GUCY2D: variants seen among roughly 807,000 people sequenced by gnomAD.
GUCY2D encodes the protein guanylate cyclase 2D, retinal.
A neutral mutation model predicts 101.3 loss-of-function variants in GUCY2D; 70 were observed. That is an observed-to-expected ratio of 0.69 (90% CI 0.57 to 0.84). GUCY2D has a LOEUF of 0.84. GUCY2D is among the 40% of genes least tolerant of loss of function. The pLI, the probability that GUCY2D is intolerant of heterozygous loss-of-function variation, is 0.00. For missense variants in GUCY2D, 1,460 were observed against 1,542.5 expected (o/e 0.95, Z 0.90); for synonymous variants, 688 against 670.7 (o/e 1.03, Z -0.40).
In GUCY2D at chr17:8,003,161, C is replaced by T. The variant is rs776974102; in HGVS notation, c.114C>T (p.Leu38=). Residue 38 remains leucine (L), a synonymous_variant, in exon 2 of 20, where the codon CTC becomes CTT. Coordinates refer to ENST00000254854, the MANE Select transcript of GUCY2D (RefSeq NM_000180.4). The part of the protein sequence containing the change: ...RLPRALPRLP[L]LLLLLLLQPP... ...CCCGGGCCCTGCCCCGGCTCCCGCT[C>T]CTGCTGCTCCTGCTTCTGCTGCAGC... 6.6e-7 allele frequency: 1 copy of T among 1,510,176 alleles called. No individual in the cohort carries two copies. Among genetic ancestry groups the T allele is most frequent in the Non-Finnish European group, 8.8e-7 (1 of 1,135,036 alleles). 93.5% of individuals were successfully genotyped at this position (1,510,176 alleles called of 1,614,324 possible).
chr17:8,007,620 G>C (rs1975772121), intron 6 of GUCY2D, 92 bp downstream of exon 6: 1 of 796,728 alleles, frequency 1.3e-6, no homozygotes, highest in African/African-American at 1.7e-5. Context: ...TCCCTACTTG[G>C]GAAGCCTGAT....
At chr17:8,015,144 C>T (rs981652730) in intron 14 of GUCY2D, 93 bp downstream of exon 14, 9 of 1,173,834 alleles carry the variant, frequency 7.7e-6, no homozygotes, top group Non-Finnish European at 1.1e-5. Context: ...AGCCTACCTG[C>T]CCAATCAATC....
At chr17:8,009,130 A>C (rs1975800194) in intron 7 of GUCY2D, among the ~76,000 whole-genome samples, 1 of 152,208 alleles carries the variant, frequency 6.6e-6, no homozygotes, top group South Asian at 2.1e-4. Context: ...GTTAGTTTTC[A>C]ATAAAGCCTG....
rs1414634256 is a variant in GUCY2D, at chr17:8,013,561, A to C, written c.2263+309A>C. The stretch of plus-strand genomic sequence containing the variant: ...TCCCTGGGAGGAGCAGGGGAGGGGG[A>C]GTGGGTGCATCCCTTCTGCACAGGA... On this transcript the variant is annotated intron_variant, in intron 11 of 19. Coordinates refer to ENST00000254854, the MANE Select transcript of GUCY2D (RefSeq NM_000180.4). This position sits in a 1 kb window ranked among gnomAD's most constrained non-coding sequence, Gnocchi z 5.0. The C allele has an allele frequency of 1.8e-6, 1 of 570,054 alleles. No homozygotes were observed. Among genetic ancestry groups the C allele is most frequent in the Non-Finnish European group, 3.1e-6 (1 of 318,170 alleles). The allele number at this position is 570,054 out of a possible 1,614,324, so 35.3% of individuals were successfully genotyped here. A position where few individuals can be genotyped will look rare whatever the true frequency, so the allele number is the denominator to read the frequency against.
rs557610631 is a variant in GUCY2D at position 8,017,528 on chromosome 17, G to A, written c.*24+974G>A. On this transcript the variant is annotated intron_variant, in intron 19 of 19. Coordinates refer to ENST00000254854, the MANE Select transcript of GUCY2D (RefSeq NM_000180.4). ...CAGAAACTGGCTGCTTCTCCTGTGG[G>A]TATAATCAGGGAACTTGCCCAAGTG... 1.4e-4 allele frequency among the ~76,000 whole-genome samples: 21 copies of A among 152,262 alleles called. 1 individual carries two copies. In the South Asian group the frequency reaches 4.4e-3, roughly 32 times the overall value.
intron 3 of GUCY2D, among the ~76,000 whole-genome samples, chr17:8,004,539 G>A (rs1012496659): frequency 6.6e-6 from 1 of 152,188 alleles, no homozygotes; most frequent in African/African-American, 2.4e-5. Context: ...CCCTAGTTCA[G>A]AGGTATTTCC....
intron 3 of GUCY2D, among the ~76,000 whole-genome samples, chr17:8,004,468 A>G (rs1262860134): frequency 1.3e-5 from 2 of 152,188 alleles, no homozygotes; most frequent in Admixed American, 6.5e-5. Context: ...CCAGCTGTCT[A>G]AAATAAATAC....
intron 15 of GUCY2D, 108 bp from the exon 16 acceptor site, chr17:8,015,635 A>C: frequency 8.5e-7 from 1 of 1,180,246 alleles, no homozygotes; most frequent in African/African-American, 1.5e-5. Context: ...AACAAGGCTT[A>C]TTTGGGGGGC....
In GUCY2D at chr17:8,003,265, C is replaced by T. The variant is rs750153057; in HGVS notation, c.218C>T (p.Pro73Leu). The stretch of plus-strand genomic sequence containing the variant: ...GACCCCATCTTCTCTCGGGCTCGCC[C>T]GGACCTGGCCGCCCGCCTGGCCGCC... ...ACDPIFSRAR[P>L]DLAARLAAAR... Residue 73 changes from proline to leucine, a missense_variant, in exon 2 of 20, where the codon CCG becomes CTG. Coordinates refer to ENST00000254854, the MANE Select transcript of GUCY2D (RefSeq NM_000180.4). The T allele has an allele frequency of 6.0e-6, 9 of 1,501,448 alleles. No homozygotes were observed. Among genetic ancestry groups the T allele is most frequent in the South Asian group, 2.5e-5 (2 of 79,832 alleles). 93.0% of individuals were successfully genotyped at this position (1,501,448 alleles called of 1,614,324 possible). A position where few individuals can be genotyped will look rare whatever the true frequency, so the allele number is the denominator to read the frequency against.
At chr17:8,004,722 T>C (rs1304213321) in intron 3 of GUCY2D, among the ~76,000 whole-genome samples, 2 of 152,276 alleles carry the variant, frequency 1.3e-5, no homozygotes, top group South Asian at 4.1e-4. Context: ...TCAGATCATC[T>C]AACTTTACTC....
intron 19 of GUCY2D, among the ~76,000 whole-genome samples, chr17:8,018,405 C>T (rs1035868215): frequency 3.9e-5 from 6 of 152,226 alleles, no homozygotes; most frequent in South Asian, 2.1e-4. Flanking sequence ...AATATTGACA[C>T]GCTCATTAAA....
rs765331376 is a variant in GUCY2D, at chr17:8,003,254, T to C, written c.207T>C (p.Ser69=). ...LGPWACDPIF[S]RARPDLAARL... ...CCTGGGCTTGCGACCCCATCTTCTC[T>C]CGGGCTCGCCCGGACCTGGCCGCCC... The change falls in exon 2 of 20, where the codon TCT becomes TCC. Residue 69 remains serine, a synonymous_variant. Coordinates refer to ENST00000254854, the MANE Select transcript of GUCY2D (RefSeq NM_000180.4). 1.3e-5 allele frequency: 19 copies of C among 1,513,062 alleles called. No homozygotes were observed. In the South Asian group the frequency reaches 2.2e-4, roughly 18 times the overall value. 93.7% of individuals were successfully genotyped at this position (1,513,062 alleles called of 1,614,324 possible). A position where few individuals can be genotyped will look rare whatever the true frequency, so the allele number is the denominator to read the frequency against.
intron 17 of GUCY2D, 63 bp downstream of exon 17, chr17:8,016,084 G>A (rs1975967224): frequency 6.8e-7 from 1 of 1,460,870 alleles, no homozygotes; most frequent in Non-Finnish European, 9.4e-7. Context: ...GCCCATCCCG[G>A]GCCGCGGCTG....
chr17:8,009,550 A>G lies in GUCY2D; in HGVS notation c.1713A>G (p.Ile571Met), dbSNP rs886043672. 1.2e-6 allele frequency: 2 copies of G among 1,613,854 alleles called. No individual in the cohort carries two copies. The highest frequency in any genetic ancestry group is 1.7e-6 in the Non-Finnish European group (2 of 1,179,714). ...WLKKFPGDQH[I>M]AIRPATKTAF... is the part of the protein sequence containing the mutation. ...AGAAATTCCCAGGGGATCAGCACATAGCTATCCGCCCAGCAACCAAGACGG... is the reference window on the plus strand; with the variant it reads ...AGAAATTCCCAGGGGATCAGCACATGGCTATCCGCCCAGCAACCAAGACGG... The change falls in exon 8 of 20, where the codon ATA becomes ATG. Residue 571 changes from isoleucine (I) to methionine (M), a missense_variant. Around this residue, in one of 3 missense-constraint regions of GUCY2D, gnomAD observed 1,196 missense variants for 1,229.6 expected, o/e 0.97. Coordinates refer to ENST00000254854, the MANE Select transcript of GUCY2D (RefSeq NM_000180.4).
chr17:8,017,530 A>AT (rs1976000901), intron 19 of GUCY2D, among the ~76,000 whole-genome samples: 1 of 152,150 alleles, frequency 6.6e-6, no homozygotes, highest in Admixed American at 6.5e-5. Context: ...TCCTGTGGGT[A>AT]TAATCAGGGA....
Position 8,003,697 on chromosome 17 carries a change from C to T in GUCY2D, c.650C>T (p.Ser217Phe), listed in dbSNP as rs1038239091. ...GGCCTGCCTGTCGCCTCCGTGACTTCCATGGAGCCCTTGGACCTGTCTGGA... is the reference window on the plus strand; with the variant it reads ...GGCCTGCCTGTCGCCTCCGTGACTTTCATGGAGCCCTTGGACCTGTCTGGA... ...ARGLPVASVT[S>F]MEPLDLSGAR... The change falls in exon 2 of 20, where the codon TCC becomes TTC. Residue 217 changes from serine to phenylalanine, a missense_variant. Physicochemically the swap from Ser to Phe is radical, Grantham distance 155 (BLOSUM62 -2). Transcript: ENST00000254854. 3 of 1,598,000 alleles carry T rather than the reference C, an allele frequency of 1.9e-6. No individual in the cohort carries two copies. Among genetic ancestry groups the T allele is most frequent in the African/African-American group, 2.7e-5 (2 of 74,920 alleles).
At chr17:8,012,700 T>C in intron 10 of GUCY2D, 94 bp downstream of exon 10, 1 of 973,154 alleles carries the variant, frequency 1.0e-6, no homozygotes, top group Non-Finnish European at 1.6e-6. Context: ...CCTCGCACTC[T>C]CTTCATCCCA....
chr17:8,005,135 C>T (rs1346578600), intron 3 of GUCY2D, among the ~76,000 whole-genome samples: 1 of 152,254 alleles, frequency 6.6e-6, no homozygotes, highest in East Asian at 1.9e-4. Context: ...GAATTCTTCG[C>T]CCCCACTTCC....
At chr17:8,018,569 C>T (rs1976017773) in intron 19 of GUCY2D, among the ~76,000 whole-genome samples, 1 of 152,136 alleles carries the variant, frequency 6.6e-6, no homozygotes, top group Non-Finnish European at 1.5e-5. Context: ...TCAACAGCTT[C>T]CACATTTTAA....
Sources: allele counts gnomAD v4.1 joint callset (sites outside exome capture counted in the v4.1 genomes callset), GRCh38; gene constraint gnomAD v4.1.1; regional missense constraint gnomAD v4.1.1; non-coding constraint Gnocchi (gnomAD v3.1); transcripts MANE v1.5; gene names NCBI Gene and HGNC (gene_info 2026-07-23, HGNC 2026-07-21).